ARFIP1: variants seen among roughly 807,000 people sequenced by gnomAD.
The protein encoded by ARFIP1 is ARF interacting protein 1.
Under a neutral mutation model 42.5 loss-of-function variants are expected in ARFIP1, and 24 were observed. The ratio of observed to expected loss-of-function variants is 0.57; its 90% confidence interval spans 0.41 to 0.80. The LOEUF (loss-of-function observed/expected upper bound fraction) is 0.80, where lower values mean the gene tolerates loss of function less well. Among genes scored for constraint, ARFIP1 ranks in the 30% least tolerant of loss-of-function variants. The probability of loss-of-function intolerance (pLI) is 0.00; values close to 1 mark genes in which losing one functional copy is unlikely to be tolerated. For missense variants in ARFIP1, 354 were observed against 434.0 expected (o/e 0.82, Z 1.64); for synonymous variants, 141 against 153.7 (o/e 0.92, Z 0.61).
chr4:152,908,345 G>A (rs72725610), intron 8 of ARFIP1, among the ~76,000 whole-genome samples: 1 of 152,082 alleles, frequency 6.6e-6, no homozygotes, highest in African/African-American at 2.4e-5. Context: ...TGAATATTAG[G>A]CCGGGCACGG....
At chr4:152,904,735 T>C (rs528936967) in intron 8 of ARFIP1, among the ~76,000 whole-genome samples, 1 of 152,298 alleles carries the variant, frequency 6.6e-6, no homozygotes, top group South Asian at 2.1e-4. Flanking sequence ...TCCTGTTCCT[T>C]TTTATGGCTA....
intron 2 of ARFIP1, among the ~76,000 whole-genome samples, chr4:152,841,906 T>C (rs1732112923): frequency 6.6e-6 from 1 of 152,148 alleles, no homozygotes; most frequent in Non-Finnish European, 1.5e-5. Context: ...AAATCTCAAC[T>C]GCACAACCCC....
chr4:152,788,703 A>G (rs1730960085), intron 1 of ARFIP1, among the ~76,000 whole-genome samples: 1 of 151,960 alleles, frequency 6.6e-6, no homozygotes, highest in East Asian at 1.9e-4. Context: ...ACAAAAACAT[A>G]CTACATTAGC....
intron 8 of ARFIP1, among the ~76,000 whole-genome samples, chr4:152,889,539 C>CTATATATA (rs1736564759): frequency 1.6e-3 from 87 of 55,788 alleles, no homozygotes; most frequent in African/African-American, 2.2e-3. Context: ...ATATATACAC[C>CTATATATA]TATTTTTGTG....
At chr4:152,895,551 C>CTTTT (rs34697452) in intron 8 of ARFIP1, among the ~76,000 whole-genome samples, 4 of 63,898 alleles carry the variant, frequency 6.3e-5, no homozygotes, top group Admixed American at 2.3e-4. Flanking sequence ...TGCACTTGGC[C>CTTTT]TTTTTTTTTT....
chr4:152,792,097 T>A (rs898125811), intron 1 of ARFIP1, among the ~76,000 whole-genome samples: 3 of 152,146 alleles, frequency 2.0e-5, no homozygotes, highest in African/African-American at 4.8e-5. Flanking sequence ...CTCTGGAATA[T>A]CAAGTCTAAA....
chr4:152,826,484 C>G (rs921054379), intron 1 of ARFIP1, among the ~76,000 whole-genome samples: 1 of 151,986 alleles, frequency 6.6e-6, no homozygotes, highest in Non-Finnish European at 1.5e-5. Context: ...GGGGAGGGTG[C>G]TGGGGAGTGA....
chr4:152,812,068 T>G (rs114228794), intron 1 of ARFIP1, among the ~76,000 whole-genome samples: 3,122 of 152,256 alleles, frequency 0.021, 54 homozygotes, highest in Non-Finnish European at 0.032. Flanking sequence ...AGAACATCGG[T>G]TTTTTATTTA....
intron 8 of ARFIP1, among the ~76,000 whole-genome samples, chr4:152,891,723 G>A (rs1316033066): frequency 2.0e-5 from 3 of 151,940 alleles, no homozygotes; most frequent in East Asian, 3.9e-4. Context: ...TCTTGTTTTT[G>A]TTTGAGAAGG....
intron 1 of ARFIP1, chr4:152,807,245 A>G (rs1210759056): frequency 6.6e-6 from 1 of 150,598 alleles, no homozygotes; most frequent in Non-Finnish European, 1.5e-5. Context: ...GTACATGTCT[A>G]CAAGTAAGGA....
At chr4:152,829,147 A>G (rs375832441) in intron 1 of ARFIP1, among the ~76,000 whole-genome samples, 3 of 152,202 alleles carry the variant, frequency 2.0e-5, no homozygotes, top group Admixed American at 6.5e-5. Context: ...AAGTCTGGTG[A>G]TAGACACGGA....
At chr4:152,796,195 T>G in intron 1 of ARFIP1, 1 of 786,380 alleles carries the variant, frequency 1.3e-6, no homozygotes, top group Non-Finnish European at 2.3e-6. Flanking sequence ...AGTGACAGTC[T>G]TTAGTAATAA....
chr4:152,897,521 A>T (rs1737442829), intron 8 of ARFIP1, among the ~76,000 whole-genome samples: 1 of 152,204 alleles, frequency 6.6e-6, no homozygotes, highest in Non-Finnish European at 1.5e-5. Flanking sequence ...CTATCAACTT[A>T]CTATAGAGTA....
intron 1 of ARFIP1, among the ~76,000 whole-genome samples, chr4:152,782,797 G>C (rs929262145): frequency 2.6e-5 from 4 of 152,054 alleles, no homozygotes; most frequent in African/African-American, 9.7e-5. Context: ...GTAAGTTTTA[G>C]AGTACATATT....
chr4:152,847,253 C>T (rs1296666354), intron 2 of ARFIP1, among the ~76,000 whole-genome samples: 1 of 150,350 alleles, frequency 6.7e-6, no homozygotes, highest in Admixed American at 6.7e-5. Context: ...CTGCCTCAGC[C>T]TCCCAAGTAG....
chr4:152,870,068 C>T lies in ARFIP1; in HGVS notation c.203-685C>T, dbSNP rs548477861. 4.6e-5 allele frequency among the ~76,000 whole-genome samples: 7 copies of T among 152,264 alleles called. No homozygotes were observed. The East Asian group carries it at 1.4e-3, about 29-fold the overall frequency. On this transcript the variant is annotated intron_variant, in intron 3 of 8. Coordinates refer to ENST00000353617, the MANE Select transcript of ARFIP1 (RefSeq NM_001025595.3). ...TTCTACATCAGCACTTCTCAAATTT[C>T]AAAGTACATACAAATCACCTGGGGA...
chr4:152,816,774 G>A (rs1729922340), intron 1 of ARFIP1, among the ~76,000 whole-genome samples: 2 of 152,248 alleles, frequency 1.3e-5, no homozygotes, highest in Admixed American at 1.3e-4. Flanking sequence ...TGATGAATGT[G>A]TGAGTGAGCA....
chr4:152,910,392 G>T lies in ARFIP1; in HGVS notation c.*173G>T. The T allele has an allele frequency of 1.5e-6, 1 of 684,116 alleles. No individual in the cohort carries two copies. The highest frequency in any genetic ancestry group is 2.3e-6 in the Non-Finnish European group (1 of 444,346). The allele number at this position is 684,116 out of a possible 1,614,324, so 42.4% of individuals were successfully genotyped here. A position where few individuals can be genotyped will look rare whatever the true frequency, so the allele number is the denominator to read the frequency against. On this transcript the variant is annotated 3_prime_UTR_variant, in exon 9 of 9. Transcript: ENST00000353617. ...CTTTAACAATTGAACTGTTAAGGGT[G>T]GTTTTAATGTAAACATAGTTTCTAT... is the stretch of plus-strand genomic sequence containing the variant.
chr4:152,876,082 T>G (rs1224835313), intron 5 of ARFIP1, among the ~76,000 whole-genome samples: 2 of 152,192 alleles, frequency 1.3e-5, no homozygotes, highest in Admixed American at 6.5e-5. Flanking sequence ...GGGTCTGTCT[T>G]TATCAGCAGT....
Sources: allele counts gnomAD v4.1 joint callset (sites outside exome capture counted in the v4.1 genomes callset), GRCh38; gene constraint gnomAD v4.1.1; transcripts MANE v1.5; gene names NCBI Gene and HGNC (gene_info 2026-07-23, HGNC 2026-07-21).